Variants in RIN3 observed in about 807,000 individuals in gnomAD.
RIN3 encodes the protein RAB5 interacting protein 3.
In RIN3, 54 loss-of-function variants were observed where a neutral mutation model predicts 76.3. The observed-to-expected ratio is 0.71, with a 90% CI of 0.57 to 0.89. The LOEUF is 0.89. RIN3 is among the 40% of genes least tolerant of loss of function. RIN3 has a pLI of 0.00. For missense variants in RIN3, 1,256 were observed against 1,322.1 expected, an observed-to-expected ratio of 0.95 and a Z score of 0.78; for synonymous variants, 576 against 564.0, an observed-to-expected ratio of 1.02 and a Z score of -0.30.
intron 1 of RIN3, among the ~76,000 whole-genome samples, chr14:92,538,025 C>A (rs1897046373): frequency 6.6e-6 from 1 of 152,084 alleles, no homozygotes; most frequent in Admixed American, 6.5e-5. Flanking sequence ...CGGGGTTTCA[C>A]CATGTTGGCC....
chr14:92,565,343 G>C (rs906532018), intron 2 of RIN3, among the ~76,000 whole-genome samples: 1 of 152,160 alleles, frequency 6.6e-6, no homozygotes, highest in Non-Finnish European at 1.5e-5. Flanking sequence ...TACCAGAAAG[G>C]GGTCCCAAGC....
chr14:92,527,081 C>T (rs1241173794), intron 1 of RIN3, among the ~76,000 whole-genome samples: 5 of 135,218 alleles, frequency 3.7e-5, no homozygotes, highest in African/African-American at 5.7e-5. Flanking sequence ...GACAGAGTCT[C>T]GCTCTGTCCC....
In RIN3 at chr14:92,583,098, T is replaced by C. The variant is rs116486369; in HGVS notation, c.367+5621T>C. On this transcript the variant is annotated intron_variant, in intron 3 of 9. Coordinates refer to ENST00000216487, the MANE Select transcript of RIN3 (RefSeq NM_024832.5). ...CAGGGCACTGGAAAGGGTTCGTGTGTCTACACTGCTTAGGACTTTAGACAC... is the reference window on the plus strand; with the variant it reads ...CAGGGCACTGGAAAGGGTTCGTGTGCCTACACTGCTTAGGACTTTAGACAC... Among the ~76,000 whole-genome samples, 1,048 of 152,268 alleles carry C rather than the reference T, an allele frequency of 6.9e-3. 14 individuals carry two copies. Among genetic ancestry groups the C allele is most frequent in the African/African-American group, 0.024 (1,009 of 41,548 alleles).
chr14:92,654,925 C>T (rs952069092), intron 6 of RIN3, among the ~76,000 whole-genome samples: 2 of 152,104 alleles, frequency 1.3e-5, no homozygotes, highest in African/African-American at 4.8e-5. Flanking sequence ...AATCCCAGCA[C>T]GTTGGGGGGC....
At chr14:92,612,643 T>C (rs9788457) in intron 3 of RIN3, among the ~76,000 whole-genome samples, 17,831 of 152,204 alleles carry the variant, frequency 0.12, 1,645 homozygotes, top group Admixed American at 0.26. Context: ...GGTCTCCCCG[T>C]GTGTTGCCTT....
chr14:92,607,076 T>G (rs181587845), intron 3 of RIN3, among the ~76,000 whole-genome samples: 1 of 152,232 alleles, frequency 6.6e-6, no homozygotes, highest in Admixed American at 6.5e-5. Context: ...AAATATTCAA[T>G]TAGAAAATGG....
At chr14:92,530,958 G>A (rs954788061) in intron 1 of RIN3, among the ~76,000 whole-genome samples, 1 of 152,114 alleles carries the variant, frequency 6.6e-6, no homozygotes, top group Non-Finnish European at 1.5e-5. Flanking sequence ...TGCTGGCAAA[G>A]TCCCACCCTA....
chr14:92,684,178 A>C (rs1888762562), intron 8 of RIN3, among the ~76,000 whole-genome samples: 1 of 152,146 alleles, frequency 6.6e-6, no homozygotes, highest in Non-Finnish European at 1.5e-5. Flanking sequence ...TCAGGCATTC[A>C]AGACCAGCAT....
chr14:92,598,410 A>G (rs1288723164), intron 3 of RIN3, among the ~76,000 whole-genome samples: 3 of 152,270 alleles, frequency 2.0e-5, no homozygotes, highest in Admixed American at 6.5e-5. Flanking sequence ...AGAATCACCC[A>G]GCTGAGCCTT....
chr14:92,556,018 A>G, intron 2 of RIN3, 63 bp downstream of exon 2: 5 of 1,378,362 alleles, frequency 3.6e-6, no homozygotes, highest in Non-Finnish European at 4.1e-6. Flanking sequence ...GGCGTGCTCC[A>G]CACCTGCCCT....
At chr14:92,614,616 G>C (rs538498052) in intron 3 of RIN3, among the ~76,000 whole-genome samples, 1 of 151,908 alleles carries the variant, frequency 6.6e-6, no homozygotes, top group South Asian at 2.1e-4. Context: ...CATGGGGGCG[G>C]TTTCCCCCAT....
Position 92,688,366 on chromosome 14 carries a change from G to T in RIN3, c.*114G>T. ...AGAGGGACATGGGCCATTCCATGAC[G>T]TGCCCAGGCCAACGTCGCAGGACAG... On this transcript the variant is annotated 3_prime_UTR_variant, in exon 10 of 10. Coordinates refer to ENST00000216487, the MANE Select transcript of RIN3 (RefSeq NM_024832.5). The T allele has an allele frequency of 2.9e-6, 3 of 1,023,916 alleles. No individual in the cohort carries two copies. Among genetic ancestry groups the T allele is most frequent in the Non-Finnish European group, 4.1e-6 (3 of 726,108 alleles). The allele number at this position is 1,023,916 out of a possible 1,614,324, so 63.4% of individuals were successfully genotyped here. A position where few individuals can be genotyped will look rare whatever the true frequency, so the allele number is the denominator to read the frequency against.
At chr14:92,525,161 C>G (rs1043159451) in intron 1 of RIN3, among the ~76,000 whole-genome samples, 17 of 152,262 alleles carry the variant, frequency 1.1e-4, no homozygotes, top group African/African-American at 1.4e-4. Flanking sequence ...GGTTGGCCTG[C>G]ACCCATGGGC....
intron 4 of RIN3, 113 bp from the exon 5 acceptor site, chr14:92,641,125 G>T (rs1886994710): frequency 2.5e-6 from 2 of 794,802 alleles, no homozygotes; most frequent in East Asian, 2.5e-5. Flanking sequence ...GAAGCTTCCA[G>T]GCTGTATGGA....
At chr14:92,561,869 A>G (rs1300694901) in intron 2 of RIN3, among the ~76,000 whole-genome samples, 2 of 152,136 alleles carry the variant, frequency 1.3e-5, no homozygotes, top group African/African-American at 4.8e-5. Flanking sequence ...TACTTTTTGT[A>G]GAGACGAGGT....
intron 7 of RIN3, among the ~76,000 whole-genome samples, chr14:92,669,841 C>A (rs12897154): frequency 1.3e-5 from 2 of 152,152 alleles, no homozygotes; most frequent in African/African-American, 4.8e-5. Flanking sequence ...GCCAGAGACC[C>A]TGTGGCCCCT....
chr14:92,632,922 C>A (rs1408304191), intron 4 of RIN3, among the ~76,000 whole-genome samples: 1 of 152,216 alleles, frequency 6.6e-6, no homozygotes, highest in Non-Finnish European at 1.5e-5. Flanking sequence ...GCCTTGAACG[C>A]CGTGCCTAGG....
At chr14:92,576,678 C>CCTCTCTGTTT (rs1898246616) in intron 2 of RIN3, among the ~76,000 whole-genome samples, 5 of 152,120 alleles carry the variant, frequency 3.3e-5, no homozygotes, top group Admixed American at 3.3e-4. Context: ...GAGGAGGGGA[C>CCTCTCTGTTT]GTCCTGTTAT....
rs188621988 is a variant in RIN3, at chr14:92,622,243, A to G, written c.440+6764A>G. 3.3e-3 allele frequency among the ~76,000 whole-genome samples: 505 copies of G among 152,350 alleles called. 10 individuals are homozygous for G. The highest frequency in any genetic ancestry group is 0.03 in the Admixed American group (465 of 15,304). ...CCACTTTGGGGAGGTTGAGGTCTAC[A>G]GGATCCCCCAGAGCATCCTCCTGTG... is the stretch of plus-strand genomic sequence containing the variant. On this transcript the variant is annotated intron_variant, in intron 4 of 9. Coordinates refer to ENST00000216487, the MANE Select transcript of RIN3 (RefSeq NM_024832.5).
Sources: gnomAD v4.1 joint callset for allele counts (sites outside exome capture counted in the v4.1 genomes callset) on GRCh38, gnomAD v4.1.1 for gene constraint, MANE v1.5 for transcripts, NCBI Gene and HGNC (gene_info 2026-07-23, HGNC 2026-07-21) for gene names.